MYOM1: variants seen among roughly 807,000 people sequenced by gnomAD.
The protein encoded by MYOM1 is myomesin-1.
A neutral mutation model predicts 205.3 loss-of-function variants in MYOM1; 164 were observed. The ratio of observed to expected loss-of-function variants is 0.80; its 90% CI spans 0.70 to 0.91. MYOM1 has a LOEUF of 0.91. MYOM1 is among the 40% of genes least tolerant of loss of function. MYOM1 has a pLI of 0.00. For missense variants in MYOM1, 2,011 were observed against 2,127.3 expected (o/e 0.95, Z 1.08); for synonymous variants, 772 against 789.4 (o/e 0.98, Z 0.37).
intron 37 of MYOM1, among the ~76,000 whole-genome samples, chr18:3,069,437 A>C (rs2078936477): frequency 6.6e-6 from 1 of 152,216 alleles, no homozygotes; most frequent in Admixed American, 6.5e-5. Flanking sequence ...AGCTTTCTAA[A>C]GGGTCTTACA....
At chr18:3,091,754 C>T (rs7233061) in intron 26 of MYOM1, among the ~76,000 whole-genome samples, 32,201 of 151,934 alleles carry the variant, frequency 0.21, 3,564 homozygotes, top group South Asian at 0.25. Flanking sequence ...TATTTAGAGA[C>T]GGATTCTTGT....
intron 10 of MYOM1, among the ~76,000 whole-genome samples, chr18:3,161,928 G>A (rs2080396758): frequency 6.6e-6 from 1 of 152,120 alleles, no homozygotes; most frequent in Admixed American, 6.5e-5. Context: ...GTCCTTCTGA[G>A]AGTAATGCAT....
At chr18:3,123,831 A>AT (rs34679474) in intron 19 of MYOM1, among the ~76,000 whole-genome samples, 7,453 of 142,334 alleles carry the variant, frequency 0.052, 524 homozygotes, top group African/African-American at 0.15. Context: ...TTATTTATTT[A>AT]TTTTTTTTGA....
At chr18:3,217,463 G>A (rs1218720880) in intron 1 of MYOM1, among the ~76,000 whole-genome samples, 2 of 152,194 alleles carry the variant, frequency 1.3e-5, no homozygotes, top group African/African-American at 4.8e-5. Flanking sequence ...ACAGGAGATT[G>A]GTTTCAATGC....
chr18:3,113,076 C>CACATA (rs2079550746), intron 21 of MYOM1, among the ~76,000 whole-genome samples: 1 of 139,482 alleles, frequency 7.2e-6, no homozygotes. Context: ...AAGATGTGTG[C>CACATA]TGAGAATCCA....
chr18:3,078,530 A>G (rs950605433), intron 34 of MYOM1, among the ~76,000 whole-genome samples: 2 of 152,064 alleles, frequency 1.3e-5, no homozygotes, highest in African/African-American at 4.8e-5. Flanking sequence ...CCAGGGCCCA[A>G]GTGATCATCC....
intron 33 of MYOM1, among the ~76,000 whole-genome samples, chr18:3,079,770 C>T (rs2079063409): frequency 6.6e-6 from 1 of 152,146 alleles, no homozygotes; most frequent in Admixed American, 6.5e-5. Flanking sequence ...TCCAAAAACA[C>T]ACTTATGGAG....
the MYOM1 span, among the ~76,000 whole-genome samples, chr18:3,239,640 T>C: frequency 0.051 from 7,597 of 150,214 alleles, 435 homozygotes; most frequent in African/African-American, 0.15. Context: ...CCTGTAGTCC[T>C]AGCTACTCAG....
intron 5 of MYOM1, among the ~76,000 whole-genome samples, chr18:3,181,308 G>C (rs2080727433): frequency 7.9e-6 from 1 of 127,346 alleles, no homozygotes; most frequent in Non-Finnish European, 1.6e-5. Context: ...AATCACTCTA[G>C]ACCCACTTTA....
chr18:3,242,881 A>AT, the MYOM1 span, among the ~76,000 whole-genome samples: 1 of 152,164 alleles, frequency 6.6e-6, no homozygotes, highest in Admixed American at 6.5e-5. Flanking sequence ...TATAATCCTT[A>AT]TTCCTTTTTT....
intron 12 of MYOM1, among the ~76,000 whole-genome samples, chr18:3,149,831 A>C (rs142305517): frequency 5.1e-4 from 77 of 152,288 alleles, no homozygotes; most frequent in African/African-American, 1.8e-3. Flanking sequence ...TAACCAGGGG[A>C]CTTTTTGTCA....
At position 3,173,832 on chromosome 18, in the gene MYOM1, T is replaced by C. The variant is rs1250495571; in HGVS notation, c.1174+106A>G. 3.0e-6 allele frequency: 3 copies of C among 987,796 alleles called. No homozygotes were observed. The African/African-American group carries it at 4.9e-5, about 16-fold the overall frequency. 61.2% of individuals were successfully genotyped at this position (987,796 alleles called of 1,614,324 possible). A position where few individuals can be genotyped will look rare whatever the true frequency, so the allele number is the denominator to read the frequency against. ...GGTACCTACTACATCCAACCTAGCATATACTATGTTATATATAGTATGCAT... is the reference window on the plus strand; with the variant it reads ...GGTACCTACTACATCCAACCTAGCACATACTATGTTATATATAGTATGCAT... On this transcript the variant is annotated intron_variant, in intron 8 of 37. Transcript: ENST00000356443.
At chr18:3,242,531 T>TG in the MYOM1 span, among the ~76,000 whole-genome samples, 1 of 152,168 alleles carries the variant, frequency 6.6e-6, no homozygotes, top group Non-Finnish European at 1.5e-5. Flanking sequence ...TTTTCTGAGA[T>TG]GGAGTCTTGC....
At chr18:3,177,503 C>CA (rs1411902867) in intron 5 of MYOM1, among the ~76,000 whole-genome samples, 1 of 147,658 alleles carries the variant, frequency 6.8e-6, no homozygotes, top group East Asian at 2.1e-4. Context: ...CAGAGTTTCA[C>CA]TCTTGTTGCC....
intron 12 of MYOM1, among the ~76,000 whole-genome samples, chr18:3,149,825 C>T (rs1238313216): frequency 6.6e-6 from 1 of 152,056 alleles, no homozygotes; most frequent in Admixed American, 6.6e-5. Context: ...TTGCATTAAC[C>T]AGGGGACTTT....
chr18:3,227,740 A>C, the MYOM1 span, among the ~76,000 whole-genome samples: 4 of 151,636 alleles, frequency 2.6e-5, no homozygotes. Flanking sequence ...AATCGCTTGA[A>C]CCCAGCAGGC....
chr18:3,234,390 A>C, the MYOM1 span, among the ~76,000 whole-genome samples: 3 of 152,218 alleles, frequency 2.0e-5, no homozygotes, highest in African/African-American at 4.8e-5. Context: ...TTATTTTAGA[A>C]TTGTGGGAGC....
At chr18:3,229,759 C>T in the MYOM1 span, among the ~76,000 whole-genome samples, 2 of 152,154 alleles carry the variant, frequency 1.3e-5, no homozygotes, top group African/African-American at 2.4e-5. Flanking sequence ...CACCTGAGGT[C>T]GAGAGTTCAA....
At chr18:3,090,942 G>A in intron 26 of MYOM1, 140 bp from the exon 27 acceptor site, 1 of 1,061,448 alleles carries the variant, frequency 9.4e-7, no homozygotes, top group Non-Finnish European at 1.3e-6. Context: ...AGTACTTTGG[G>A]AGGTCGAGGT....
Sources: allele counts gnomAD v4.1 joint callset (sites outside exome capture counted in the v4.1 genomes callset), GRCh38; gene constraint gnomAD v4.1.1; transcripts MANE v1.5; gene names NCBI Gene and HGNC (gene_info 2026-07-23, HGNC 2026-07-21).